Variants in ANKRD6 observed in about 807,000 individuals in gnomAD.
The protein encoded by ANKRD6 is ankyrin repeat domain 6, also known as ankyrin repeat domain-containing protein 6.
ANKRD6 carries 56 observed loss-of-function variants against 82.3 expected under a neutral mutation model. That is an observed-to-expected ratio of 0.68 (90% CI 0.55 to 0.85). ANKRD6 has a LOEUF of 0.85. Ranked by LOEUF, ANKRD6 falls within the 40% of genes least tolerant of loss-of-function variation. ANKRD6 has a pLI of 0.00. For missense variants in ANKRD6, 852 were observed against 907.6 expected, an observed-to-expected ratio of 0.94 and a Z score of 0.79; for synonymous variants, 347 against 352.1, an observed-to-expected ratio of 0.99 and a Z score of 0.16.
At chr6:89,456,220 C>A (rs950725326) in intron 1 of ANKRD6, among the ~76,000 whole-genome samples, 3 of 152,140 alleles carry the variant, frequency 2.0e-5, no homozygotes, top group East Asian at 3.9e-4. Context: ...GACCCAGTCA[C>A]CTCCCAGCAG....
chr6:89,471,373 A>G (rs1214233080), intron 1 of ANKRD6, among the ~76,000 whole-genome samples: 1 of 151,318 alleles, frequency 6.6e-6, no homozygotes, highest in East Asian at 1.9e-4. Context: ...AAAAAAAAAA[A>G]AAAAAAAGAG....
chr6:89,439,551 C>G (rs1217725425), intron 1 of ANKRD6, among the ~76,000 whole-genome samples: 2 of 152,124 alleles, frequency 1.3e-5, no homozygotes, highest in East Asian at 3.8e-4. Flanking sequence ...TCCCAAGACC[C>G]AGTTAGAGTC....
intron 1 of ANKRD6, among the ~76,000 whole-genome samples, chr6:89,459,560 G>A (rs76678757): frequency 8.7e-4 from 128 of 147,232 alleles, no homozygotes; most frequent in African/African-American, 3.1e-3. Flanking sequence ...AAGGGTTAGG[G>A]TTGTTTTAAG....
At chr6:89,614,209 ATT>A (rs1800926383) in intron 7 of ANKRD6, among the ~76,000 whole-genome samples, 1 of 152,212 alleles carries the variant, frequency 6.6e-6, no homozygotes, top group African/African-American at 2.4e-5. Flanking sequence ...GAAGAATGTG[ATT>A]TAGTAAAGAA....
intron 2 of ANKRD6, among the ~76,000 whole-genome samples, chr6:89,575,324 A>T (rs1790874888): frequency 3.3e-5 from 5 of 152,106 alleles, no homozygotes; most frequent in Admixed American, 3.3e-4. Flanking sequence ...TCTAGTTTCT[A>T]TGGTTAGCCT....
intron 1 of ANKRD6, among the ~76,000 whole-genome samples, chr6:89,563,739 A>G (rs1787887467): frequency 6.6e-6 from 1 of 151,164 alleles, no homozygotes; most frequent in South Asian, 2.1e-4. Flanking sequence ...CAACACACAC[A>G]TCTCTATCTG....
intron 1 of ANKRD6, among the ~76,000 whole-genome samples, chr6:89,560,069 C>T (rs931636849): frequency 6.6e-6 from 1 of 152,196 alleles, no homozygotes; most frequent in African/African-American, 2.4e-5. Context: ...ATGACCAAAA[C>T]GGGGTTCCTG....
chr6:89,626,671 G>A (rs571084903), intron 13 of ANKRD6, among the ~76,000 whole-genome samples: 45 of 152,332 alleles, frequency 3.0e-4, no homozygotes, highest in African/African-American at 9.1e-4. Flanking sequence ...GAGCCTTCGC[G>A]GATTGGCTCT....
At chr6:89,575,015 A>G (rs576973923) in intron 2 of ANKRD6, among the ~76,000 whole-genome samples, 1 of 152,114 alleles carries the variant, frequency 6.6e-6, no homozygotes, top group Non-Finnish European at 1.5e-5. Context: ...TAGAAATATG[A>G]TTGGACAGAA....
chr6:89,619,100 A>T (rs1200880287), intron 9 of ANKRD6, among the ~76,000 whole-genome samples: 1 of 152,118 alleles, frequency 6.6e-6, no homozygotes, highest in East Asian at 1.9e-4. Flanking sequence ...GAAATGGTTA[A>T]GATTTTTGTC....
intron 1 of ANKRD6, among the ~76,000 whole-genome samples, chr6:89,545,270 G>A (rs1041827082): frequency 2.0e-5 from 3 of 151,618 alleles, no homozygotes; most frequent in East Asian, 1.9e-4. Flanking sequence ...CAGAAAGTTC[G>A]GGGGAATTTG....
At chr6:89,592,389 G>C (rs1795078186) in intron 2 of ANKRD6, among the ~76,000 whole-genome samples, 1 of 152,140 alleles carries the variant, frequency 6.6e-6, no homozygotes, top group African/African-American at 2.4e-5. Flanking sequence ...GGGCAGTGGA[G>C]GTTATTCCTA....
rs574023336 is a variant in ANKRD6 at position 89,590,381 on chromosome 6, G to T, written c.121-5535G>T. Among the ~76,000 whole-genome samples, 61 of 152,246 alleles carry T rather than the reference G, an allele frequency of 4.0e-4. 1 individual carries two copies. The South Asian group carries it at 0.012, about 30-fold the overall frequency. On this transcript the variant is annotated intron_variant, in intron 2 of 15. Transcript: ENST00000339746. ...AGGTCACACATTAGAGTCACCTGGG[G>T]AGGTTGTATAAAAACTGCCTGGGCC...
chr6:89,566,914 G>T lies in ANKRD6; in HGVS notation c.-63G>T. ...CCTCTGGGTGCCAGGCCGGGCCAGT[G>T]ACTTCGTGTTGAGCTGAAGGAACTT... On this transcript the variant is annotated 5_prime_UTR_variant, in exon 2 of 16. Transcript: ENST00000339746. 1 of 1,545,140 alleles carries T rather than the reference G, an allele frequency of 6.5e-7. No individual in the cohort carries two copies. Among genetic ancestry groups the T allele is most frequent in the South Asian group, 1.2e-5 (1 of 83,486 alleles).
At chr6:89,463,884 C>A (rs896431758) in intron 1 of ANKRD6, among the ~76,000 whole-genome samples, 12 of 152,108 alleles carry the variant, frequency 7.9e-5, no homozygotes, top group African/African-American at 2.7e-4. Context: ...AGCAATTGAC[C>A]CTCATTTTGG....
intron 15 of ANKRD6, 147 bp from the exon 16 acceptor site, chr6:89,630,286 G>C: frequency 1.1e-6 from 1 of 929,564 alleles, no homozygotes; most frequent in Non-Finnish European, 1.6e-6. Flanking sequence ...GGTGAGAAAA[G>C]GCTCAGAGGA....
chr6:89,604,226 G>C (rs1797963881), intron 4 of ANKRD6, among the ~76,000 whole-genome samples: 1 of 152,124 alleles, frequency 6.6e-6, no homozygotes, highest in Admixed American at 6.5e-5. Flanking sequence ...TACTTGGGAG[G>C]CTGAGGCAGG....
At chr6:89,499,062 A>G (rs191461865) in intron 1 of ANKRD6, among the ~76,000 whole-genome samples, 28 of 152,298 alleles carry the variant, frequency 1.8e-4, no homozygotes, top group Admixed American at 1.3e-4. Flanking sequence ...GCCAAGCACA[A>G]GTCTGTAGGG....
chr6:89,502,355 A>G (rs1393718392), intron 1 of ANKRD6, among the ~76,000 whole-genome samples: 1 of 152,250 alleles, frequency 6.6e-6, no homozygotes, highest in Non-Finnish European at 1.5e-5. Flanking sequence ...GGTGATATAA[A>G]GAGAAATAGA....
Sources: allele counts gnomAD v4.1 joint callset (sites outside exome capture counted in the v4.1 genomes callset), GRCh38; gene constraint gnomAD v4.1.1; transcripts MANE v1.5; gene names NCBI Gene and HGNC (gene_info 2026-07-23, HGNC 2026-07-21).